Variants in KIAA0319L observed in about 807,000 individuals in gnomAD.
KIAA0319L encodes the protein dyslexia-associated protein KIAA0319-like protein.
Under a neutral mutation model 120.1 loss-of-function variants are expected in KIAA0319L, and 55 were observed. That is an observed-to-expected ratio of 0.46 (90% confidence interval 0.37 to 0.57). The LOEUF (loss-of-function observed/expected upper bound fraction) is 0.57, where lower values mean the gene tolerates loss of function less well. KIAA0319L is among the 20% of genes least tolerant of loss of function. The pLI is 0.00. For synonymous variants in KIAA0319L, 398 were observed against 471.9 expected (o/e 0.84, Z 2.03); for missense variants, 1,049 against 1,255.3 (o/e 0.84, Z 2.48).
At chr1:35,528,620 AG>A (rs950964007) in intron 2 of KIAA0319L, among the ~76,000 whole-genome samples, 15 of 152,160 alleles carry the variant, frequency 9.9e-5, no homozygotes, top group African/African-American at 3.6e-4. Flanking sequence ...TGTAAATGTG[AG>A]ATCCATTTGA....
At chr1:35,436,269 A>G (rs1054989729) in intron 20 of KIAA0319L, among the ~76,000 whole-genome samples, 8 of 152,172 alleles carry the variant, frequency 5.3e-5, no homozygotes, top group Admixed American at 2.6e-4. Context: ...GCCATTCAGG[A>G]CCACATGCGC....
At chr1:35,462,059 A>G (rs1642934573) in intron 8 of KIAA0319L, among the ~76,000 whole-genome samples, 1 of 152,220 alleles carries the variant, frequency 6.6e-6, no homozygotes. Flanking sequence ...TGCACCATAC[A>G]GCCACAATTA....
chr1:35,550,312 G>A (rs12754216), intron 2 of KIAA0319L, among the ~76,000 whole-genome samples: 6,695 of 152,336 alleles, frequency 0.044, 180 homozygotes, highest in Non-Finnish European at 0.069. Flanking sequence ...AATAATCCAT[G>A]AGCTAAATAA....
At position 35,526,388 on chromosome 1, in the gene KIAA0319L, C is replaced by CATAT. The variant is rs60847372; in HGVS notation, c.143-19257_143-19254dup. Among the ~76,000 whole-genome samples the CATAT allele has an allele frequency of 4.8e-3, 615 of 127,116 alleles. 4 individuals carry two copies. The highest frequency in any genetic ancestry group is 0.021 in the Middle Eastern group (5 of 234). The allele number at this position is 127,116 out of a possible 152,430, so 83.4% of individuals were successfully genotyped here. Reference sequence around the variant, plus strand: ...ATATACATACATATATATATACATACATATATATATATATATATATATACA... The same window carrying CATAT: ...ATATACATACATATATATATACATACATATATATATATATATATATATATATACA... On this transcript the variant is annotated intron_variant, in intron 2 of 20. Coordinates refer to ENST00000325722, the MANE Select transcript of KIAA0319L (RefSeq NM_024874.5).
intron 2 of KIAA0319L, among the ~76,000 whole-genome samples, chr1:35,512,276 TAAATAAATAAAATA>T (rs1282785900): frequency 5.9e-5 from 5 of 84,710 alleles, no homozygotes; most frequent in African/African-American, 9.4e-5. Flanking sequence ...TCAAAAAAAA[TAAATAAATAAAATA>T]AAATAAAAAG....
rs571014813 is a variant in KIAA0319L, at chr1:35,516,551, C to G, written c.143-9416G>C. On this transcript the variant is annotated intron_variant, in intron 2 of 20. Coordinates refer to ENST00000325722, the MANE Select transcript of KIAA0319L (RefSeq NM_024874.5). Reference sequence around the variant, plus strand: ...AACTAGATATTGAAGGAACATACCTCAAAGTAATAAGAACCATTTATGACA... The same window carrying G: ...AACTAGATATTGAAGGAACATACCTGAAAGTAATAAGAACCATTTATGACA... 3.9e-5 allele frequency among the ~76,000 whole-genome samples: 6 copies of G among 152,284 alleles called. No individual in the cohort carries two copies. The South Asian group carries it at 1.2e-3, about 32-fold the overall frequency.
At chr1:35,507,235 C>A in intron 2 of KIAA0319L, 100 bp from the exon 3 acceptor site, 2 of 1,246,438 alleles carry the variant, frequency 1.6e-6, no homozygotes, top group Non-Finnish European at 1.1e-6. Context: ...ATTTTGAAGA[C>A]GAGTTTTTAA....
chr1:35,497,635 G>T (rs541225983), intron 3 of KIAA0319L, among the ~76,000 whole-genome samples: 2 of 152,194 alleles, frequency 1.3e-5, no homozygotes, highest in Admixed American at 1.3e-4. Flanking sequence ...CTTCAAAAAA[G>T]CTGCTTTCTA....
chr1:35,482,666 C>A (rs958447016), intron 3 of KIAA0319L, among the ~76,000 whole-genome samples: 9 of 151,862 alleles, frequency 5.9e-5, no homozygotes, highest in Admixed American at 4.6e-4. Context: ...AGACCTCAAG[C>A]GATCCACCCA....
intron 2 of KIAA0319L, among the ~76,000 whole-genome samples, chr1:35,533,872 T>C (rs1257921193): frequency 1.3e-5 from 2 of 152,308 alleles, no homozygotes. Flanking sequence ...GTCTGTCACC[T>C]GCACACCCAC....
rs1343168772 is a variant in KIAA0319L at position 35,437,321 on chromosome 1, T to G, written c.2963-2240A>C. 6.6e-6 allele frequency among the ~76,000 whole-genome samples: 1 copy of G among 152,124 alleles called. No homozygotes were observed. The highest frequency in any genetic ancestry group is 1.5e-5 in the Non-Finnish European group (1 of 67,990). On this transcript the variant is annotated intron_variant, in intron 20 of 20. Coordinates refer to ENST00000325722, the MANE Select transcript of KIAA0319L (RefSeq NM_024874.5). This position sits in a 1 kb window ranked among gnomAD's most constrained non-coding sequence, Gnocchi z 4.1. ...CTCCATGCTCCCTTTCTCTCCTCTCTTCCCTTCTCCCTCCTTCCTCCTCAG... is the reference window on the plus strand; with the variant it reads ...CTCCATGCTCCCTTTCTCTCCTCTCGTCCCTTCTCCCTCCTTCCTCCTCAG...
chr1:35,510,095 G>C (rs1233409256), intron 2 of KIAA0319L: 1 of 152,186 alleles, frequency 6.6e-6, no homozygotes, highest in East Asian at 1.9e-4. Context: ...AAAAGAATGT[G>C]GGAAAGTACA....
intron 3 of KIAA0319L, among the ~76,000 whole-genome samples, chr1:35,487,444 G>A (rs1354505273): frequency 6.6e-6 from 1 of 152,062 alleles, no homozygotes; most frequent in Non-Finnish European, 1.5e-5. Context: ...TAGTAGAGAC[G>A]GGGTTTCGCC....
At chr1:35,445,846 A>G (rs1434633695) in intron 16 of KIAA0319L, among the ~76,000 whole-genome samples, 2 of 152,210 alleles carry the variant, frequency 1.3e-5, no homozygotes, top group Non-Finnish European at 2.9e-5. Context: ...AGGGAAACCC[A>G]GAAGCTTCTC....
chr1:35,510,681 CGAT>C (rs568313620), intron 2 of KIAA0319L: 3 of 151,826 alleles, frequency 2.0e-5, no homozygotes, highest in Non-Finnish European at 4.4e-5. Flanking sequence ...CATCATGACT[CGAT>C]GCAGCCTTGA....
intron 2 of KIAA0319L, among the ~76,000 whole-genome samples, chr1:35,544,368 C>CAAA (rs748228266): frequency 9.4e-5 from 5 of 53,176 alleles, no homozygotes; most frequent in African/African-American, 2.0e-4. Context: ...GACTCAATCT[C>CAAA]AAAAAAAAAA....
chr1:35,537,949 A>G (rs1185353844), intron 2 of KIAA0319L, among the ~76,000 whole-genome samples: 2 of 152,192 alleles, frequency 1.3e-5, no homozygotes, highest in Non-Finnish European at 2.9e-5. Flanking sequence ...AAAAAAAGTG[A>G]AAAGAGCTCT....
chr1:35,470,566 G>A (rs1301506201), intron 6 of KIAA0319L, among the ~76,000 whole-genome samples: 1 of 150,220 alleles, frequency 6.7e-6, no homozygotes, highest in Non-Finnish European at 1.5e-5. Context: ...ATGCAGTCAT[G>A]TGGCCACAAA....
intron 9 of KIAA0319L, 89 bp from the exon 10 acceptor site, chr1:35,456,330 T>C: frequency 1.2e-6 from 1 of 862,440 alleles, no homozygotes; most frequent in Non-Finnish European, 1.8e-6. Flanking sequence ...GGCTAAGAAA[T>C]ACCAATGTGG....
Sources: gnomAD v4.1 joint callset for allele counts (sites outside exome capture counted in the v4.1 genomes callset) on GRCh38, gnomAD v4.1.1 for gene constraint, Gnocchi (gnomAD v3.1) non-coding constraint, MANE v1.5 for transcripts, NCBI Gene and HGNC (gene_info 2026-07-23, HGNC 2026-07-21) for gene names.